Variants in USH2A observed in about 807,000 individuals in gnomAD.
USH2A encodes usherin, also known as Usher syndrome 2A (autosomal recessive, mild).
A neutral mutation model predicts 538.9 loss-of-function variants in USH2A; 443 were observed. That is an observed-to-expected ratio of 0.82 (90% CI 0.76 to 0.89). The LOEUF (loss-of-function observed/expected upper bound fraction) is 0.89. Ranked by LOEUF, USH2A falls within the 40% of genes least tolerant of loss-of-function variation. The pLI is 0.00. For synonymous variants in USH2A, 2,413 were observed against 2,273.5 expected (o/e 1.06, Z -1.75); for missense variants, 6,633 against 6,324.8 (o/e 1.05, Z -1.65).
intron 69 of USH2A, 60 bp from the exon 70 acceptor site, chr1:215,634,763 T>G: frequency 6.2e-7 from 1 of 1,613,364 alleles, no homozygotes; most frequent in Non-Finnish European, 8.5e-7. Context: ...TTGTCATCTC[T>G]GGCCCTGCTA....
intron 37 of USH2A, among the ~76,000 whole-genome samples, chr1:215,951,733 T>C (rs193015617): frequency 1.1e-4 from 16 of 152,368 alleles, no homozygotes; most frequent in African/African-American, 3.4e-4. Context: ...TTAATCTGGG[T>C]GCTCCTGTAT....
In USH2A at chr1:215,991,363, A is replaced by G. The variant is rs897603039; in HGVS notation, c.6805+1657T>C. Among the ~76,000 whole-genome samples, 5 of 152,184 alleles carry G rather than the reference A, an allele frequency of 3.3e-5. 1 individual carries two copies. Among genetic ancestry groups the G allele is most frequent in the Admixed American group, 2.6e-4 (4 of 15,278 alleles). On this transcript the variant is annotated intron_variant, in intron 35 of 71. Transcript: ENST00000307340. ...AGAGGTGTGGGGACTTCGAAGACAG[A>G]TGGAGAGACAAGATGTTTTCCAACA...
chr1:216,017,535 A>G (rs1668744174), intron 32 of USH2A, among the ~76,000 whole-genome samples: 1 of 152,204 alleles, frequency 6.6e-6, no homozygotes, highest in South Asian at 2.1e-4. Flanking sequence ...GAATCAATTA[A>G]TACTTTGTAA....
intron 32 of USH2A, among the ~76,000 whole-genome samples, chr1:216,037,041 C>T (rs929165129): frequency 6.9e-4 from 105 of 152,256 alleles, no homozygotes; most frequent in Admixed American, 6.9e-3. Context: ...TAGTCCATCT[C>T]TGAATAACTG....
intron 46 of USH2A, among the ~76,000 whole-genome samples, chr1:215,842,240 C>T (rs1663700367): frequency 6.6e-6 from 1 of 152,116 alleles, no homozygotes; most frequent in African/African-American, 2.4e-5. Context: ...CAGAAATGCA[C>T]ATCAAAACCA....
chr1:216,282,078 A>T lies in USH2A; in HGVS notation c.1971+7202T>A, dbSNP rs116398844. Among the ~76,000 whole-genome samples the T allele has an allele frequency of 5.0e-3, 756 of 152,074 alleles. 7 individuals carry two copies. Among genetic ancestry groups the T allele is most frequent in the African/African-American group, 0.018 (737 of 41,504 alleles). On this transcript the variant is annotated intron_variant, in intron 11 of 71. Transcript: ENST00000307340. The stretch of plus-strand genomic sequence containing the variant: ...ATTTGTCTTTTGATTATTCACTTCA[A>T]GTTCTTCATATATACTAGACAAGCT...
chr1:215,877,888 A>G lies in USH2A; in HGVS notation c.8559-8T>C. 1 of 1,613,598 alleles carries G rather than the reference A, an allele frequency of 6.2e-7. No individual in the cohort carries two copies. ...CGTCTCAGAAGCTCATATCTAAAGC[A>G]AAAGACAAGCAGGAACATCAGGATT... On this transcript the variant is annotated splice_polypyrimidine_tract_variant and splice_region_variant and intron_variant, in intron 42 of 71. Transcript: ENST00000307340.
Position 215,743,481 on chromosome 1 carries a change from TAAAAC to T in USH2A, c.11390-151_11390-147del, listed in dbSNP as rs1660376259. The T allele has an allele frequency of 5.4e-5, 14 of 260,308 alleles. No homozygotes were observed. The South Asian group carries it at 1.5e-3, about 27-fold the overall frequency. The allele number at this position is 260,308 out of a possible 1,614,324, so 16.1% of individuals were successfully genotyped here. ...ATATAGACACACATATATATATAAA[TAAAAC>T]AGAATGGGCAACAAATGTTTGTCTT... On this transcript the variant is annotated intron_variant, in intron 58 of 71. Transcript: ENST00000307340.
At chr1:216,227,753 CA>C (rs1297823263) in intron 14 of USH2A, among the ~76,000 whole-genome samples, 1 of 152,134 alleles carries the variant, frequency 6.6e-6, no homozygotes, top group Non-Finnish European at 1.5e-5. Context: ...AGATTATCTG[CA>C]AGGGCAAGAG....
intron 44 of USH2A, among the ~76,000 whole-genome samples, chr1:215,849,634 C>T (rs774985321): frequency 4.6e-5 from 7 of 152,078 alleles, no homozygotes; most frequent in Non-Finnish European, 8.8e-5. Flanking sequence ...TAGACTAATA[C>T]AGTTTTCTCC....
At chr1:215,830,688 AT>A (rs1663287732) in intron 47 of USH2A, among the ~76,000 whole-genome samples, 1 of 152,186 alleles carries the variant, frequency 6.6e-6, no homozygotes, top group Non-Finnish European at 1.5e-5. Context: ...CAAGCTGCAC[AT>A]TTATGGTTGC....
intron 58 of USH2A, among the ~76,000 whole-genome samples, chr1:215,755,409 T>C (rs543928749): frequency 7.3e-4 from 111 of 152,292 alleles, no homozygotes; most frequent in Non-Finnish European, 1.4e-3. Context: ...ACAAATTTAT[T>C]TTCTTTCTGT....
chr1:215,875,282 A>G (rs1330524229), intron 43 of USH2A, among the ~76,000 whole-genome samples: 2 of 151,694 alleles, frequency 1.3e-5, no homozygotes, highest in Non-Finnish European at 2.9e-5. Context: ...TGTTAAGAAG[A>G]AATGCTTTTT....
At chr1:216,415,507 ACTTTTT>A (rs1258938642) in intron 3 of USH2A, among the ~76,000 whole-genome samples, 1 of 108,230 alleles carries the variant, frequency 9.2e-6, no homozygotes, top group Admixed American at 1.1e-4. Flanking sequence ...CCTTCCTGTC[ACTTTTT>A]TTTTTTTTTT....
chr1:216,250,933 C>G lies in USH2A; in HGVS notation c.2137G>C (p.Gly713Arg), dbSNP rs696723. Residue 713 changes from glycine (G) to arginine (R), a missense_variant, in exon 12 of 72, where the codon GGC (glycine) becomes CGC (arginine). Gly to Arg is a moderately radical substitution (Grantham distance 125). Coordinates refer to ENST00000307340, the MANE Select transcript of USH2A (RefSeq NM_206933.4). ...ACGTTTGCTTTGCACTTGCACTGGC[C>G]TGAATTTTGGTGACAGGTAATATCT... ...DGDITCHQNS[G>R]QCKCKANVIG... 32,656 of 1,613,916 alleles carry G rather than the reference C, an allele frequency of 0.02. 1,434 individuals carry two copies. The highest frequency in any genetic ancestry group is 0.18 in the African/African-American group (13,497 of 74,956).
At chr1:216,240,218 C>T (rs2035911700) in intron 13 of USH2A, among the ~76,000 whole-genome samples, 1 of 152,116 alleles carries the variant, frequency 6.6e-6, no homozygotes, top group African/African-American at 2.4e-5. Flanking sequence ...CCTTCCCCAA[C>T]CAGGAAGTTG....
intron 47 of USH2A, among the ~76,000 whole-genome samples, chr1:215,837,638 T>G (rs1663569436): frequency 6.6e-6 from 1 of 152,190 alleles, no homozygotes; most frequent in African/African-American, 2.4e-5. Flanking sequence ...AATCAATTTT[T>G]TTTCAAAAAG....
At chr1:215,750,292 C>T (rs1660586281) in intron 58 of USH2A, among the ~76,000 whole-genome samples, 1 of 152,048 alleles carries the variant, frequency 6.6e-6, no homozygotes, top group Admixed American at 6.6e-5. Flanking sequence ...GGAAATTTAA[C>T]ATTGGTTGTA....
intron 32 of USH2A, among the ~76,000 whole-genome samples, chr1:216,012,501 T>A (rs1668600156): frequency 6.6e-6 from 1 of 152,134 alleles, no homozygotes; most frequent in Non-Finnish European, 1.5e-5. Flanking sequence ...ACCGCAGTCA[T>A]TTCTTCCCTT....
Sources: allele counts gnomAD v4.1 joint callset (sites outside exome capture counted in the v4.1 genomes callset), GRCh38; gene constraint gnomAD v4.1.1; transcripts MANE v1.5; gene names NCBI Gene and HGNC (gene_info 2026-07-23, HGNC 2026-07-21).